Variants in PLEKHA8 observed in about 807,000 individuals in gnomAD.
PLEKHA8 encodes pleckstrin homology domain containing A8, also known as pleckstrin homology domain-containing family A member 8.
PLEKHA8 carries 36 observed loss-of-function variants against 68.2 expected under a neutral mutation model. That is an observed-to-expected ratio of 0.53 (90% CI 0.40 to 0.70). The LOEUF (loss-of-function observed/expected upper bound fraction) is 0.70. Among genes scored for constraint, PLEKHA8 ranks in the 30% least tolerant of loss-of-function variants. The pLI, the probability that PLEKHA8 is intolerant of heterozygous loss-of-function variation, is 0.00. For missense variants in PLEKHA8, 505 were observed against 615.4 expected, an observed-to-expected ratio of 0.82 and a Z score of 1.90; for synonymous variants, 211 against 216.1, an observed-to-expected ratio of 0.98 and a Z score of 0.20.
At chr7:30,055,411 G>C in intron 9 of PLEKHA8, 69 bp downstream of exon 9, 1 of 1,360,668 alleles carries the variant, frequency 7.3e-7, no homozygotes, top group Non-Finnish European at 1.1e-6. Flanking sequence ...TATTTTGCAG[G>C]AGAAATACCC....
At position 30,095,779 on chromosome 7, in the gene PLEKHA8, G is replaced by T. The variant is rs1191992283; in HGVS notation, c.1362+21647G>T. Among the ~76,000 whole-genome samples the T allele has an allele frequency of 4.6e-5, 7 of 152,170 alleles. No homozygotes were observed. In the South Asian group the frequency reaches 8.3e-4, roughly 18 times the overall value. On this transcript the variant is annotated intron_variant, in intron 13 of 13. Transcript: ENST00000396257. ...TTTCCCAGCACCATTTATTAAATAG[G>T]GAATCGTTTCCCCATTTCTTGTTTT...
intron 13 of PLEKHA8, among the ~76,000 whole-genome samples, chr7:30,078,157 A>G (rs1334906444): frequency 6.6e-6 from 1 of 152,182 alleles, no homozygotes; most frequent in African/African-American, 2.4e-5. Flanking sequence ...TACGCAAAGA[A>G]ATATATAGAG....
downstream of PLEKHA8, among the ~76,000 whole-genome samples, chr7:30,085,371 G>A (rs1044041743): frequency 4.6e-5 from 7 of 152,176 alleles, no homozygotes; most frequent in African/African-American, 1.7e-4. Flanking sequence ...TTCAGAGGTA[G>A]CTATGTTCTT....
intron 13 of PLEKHA8, among the ~76,000 whole-genome samples, chr7:30,123,027 C>G (rs1394544080): frequency 6.6e-6 from 1 of 152,098 alleles, no homozygotes; most frequent in Non-Finnish European, 1.5e-5. Context: ...CTGACTTTCC[C>G]CCCCCTAAGC....
chr7:30,057,161 A>G (rs2127984721), intron 9 of PLEKHA8, among the ~76,000 whole-genome samples: 1 of 152,126 alleles, frequency 6.6e-6, no homozygotes, highest in Middle Eastern at 3.4e-3. Flanking sequence ...TTATCAAGAA[A>G]TAGTATGTTT....
intron 12 of PLEKHA8, among the ~76,000 whole-genome samples, chr7:30,066,609 C>T (rs373032217): frequency 9.2e-5 from 14 of 152,290 alleles, no homozygotes; most frequent in African/African-American, 3.4e-4. Context: ...AGAGCTGAGT[C>T]CCCCTCTCCA....
downstream of PLEKHA8, among the ~76,000 whole-genome samples, chr7:30,093,405 CAT>C (rs1344195733): frequency 6.6e-6 from 1 of 152,188 alleles, no homozygotes; most frequent in African/African-American, 2.4e-5. Context: ...TGAGAAAGCA[CAT>C]GAGTGGTAGG....
chr7:30,041,071 TTCTCTACAATTC>T (rs1435296877), intron 1 of PLEKHA8, among the ~76,000 whole-genome samples: 3 of 152,234 alleles, frequency 2.0e-5, no homozygotes, highest in Non-Finnish European at 4.4e-5. Flanking sequence ...CATGCCTCTT[TTCTCTACAATTC>T]ATCATTCCTG....
chr7:30,043,705 G>C (rs576616276), intron 1 of PLEKHA8, among the ~76,000 whole-genome samples: 2 of 152,300 alleles, frequency 1.3e-5, no homozygotes, highest in East Asian at 3.9e-4. Flanking sequence ...GACTATTCAG[G>C]CTTCTGATTA....
At chr7:30,029,234 A>G (rs1322354328) in intron 1 of PLEKHA8, among the ~76,000 whole-genome samples, 1 of 152,212 alleles carries the variant, frequency 6.6e-6, no homozygotes, top group Non-Finnish European at 1.5e-5. Flanking sequence ...TCCACAGCGG[A>G]AAGATCCTTT....
intron 9 of PLEKHA8, among the ~76,000 whole-genome samples, chr7:30,059,661 C>A (rs1443062174): frequency 6.7e-6 from 1 of 149,678 alleles, no homozygotes; most frequent in African/African-American, 2.5e-5. Context: ...TTAGATCAAT[C>A]AAGTATTTTT....
At chr7:30,058,600 G>T (rs529232119) in intron 9 of PLEKHA8, among the ~76,000 whole-genome samples, 2 of 151,762 alleles carry the variant, frequency 1.3e-5, no homozygotes, top group African/African-American at 4.8e-5. Flanking sequence ...TTATAATATG[G>T]GACTGTTTCT....
chr7:30,038,550 GAATTTTGGGGAC>G (rs1416051293), intron 1 of PLEKHA8, among the ~76,000 whole-genome samples: 5 of 152,158 alleles, frequency 3.3e-5, no homozygotes, highest in Non-Finnish European at 1.5e-5. Flanking sequence ...TAATACAAGG[GAATTTTGGGGAC>G]AATTTTGGTA....
intron 12 of PLEKHA8, among the ~76,000 whole-genome samples, chr7:30,072,595 C>G (rs1293888447): frequency 6.6e-6 from 1 of 152,218 alleles, no homozygotes; most frequent in South Asian, 2.1e-4. Flanking sequence ...CTGTGAACCA[C>G]GTTGCTTTTC....
rs527367075 is a variant in PLEKHA8 at position 30,071,358 on chromosome 7, C to T, written c.1301-2713C>T. Among the ~76,000 whole-genome samples, 20 of 152,254 alleles carry T rather than the reference C, an allele frequency of 1.3e-4. No individual in the cohort carries two copies. In the South Asian group the frequency reaches 3.5e-3, roughly 27 times the overall value. ...CCCAGCATGCCATGAGCTCTCACAA[C>T]GCTGTGATGCTCGCTCTGTCTGCCG... On this transcript the variant is annotated intron_variant, in intron 12 of 13. Transcript: ENST00000449726.
intron 1 of PLEKHA8, among the ~76,000 whole-genome samples, chr7:30,041,752 C>T (rs544666955): frequency 6.6e-6 from 1 of 152,196 alleles, no homozygotes; most frequent in East Asian, 1.9e-4. Context: ...GAGAGCTGCT[C>T]TTCAACATTT....
chr7:30,108,067 CAAAAAA>C (rs796801365), intron 13 of PLEKHA8, among the ~76,000 whole-genome samples: 174 of 52,822 alleles, frequency 3.3e-3, no homozygotes, highest in African/African-American at 0.012. Context: ...AACTCCATCT[CAAAAAA>C]AAAAAAAAAA....
intron 9 of PLEKHA8, among the ~76,000 whole-genome samples, chr7:30,059,193 C>G (rs958621769): frequency 6.6e-6 from 1 of 152,208 alleles, no homozygotes; most frequent in Non-Finnish European, 1.5e-5. Context: ...TTAATTTTCT[C>G]TGAAGAATGT....
At chr7:30,056,143 C>T (rs564683369) in intron 9 of PLEKHA8, among the ~76,000 whole-genome samples, 4 of 150,708 alleles carry the variant, frequency 2.7e-5, no homozygotes, top group Admixed American at 2.6e-4. Context: ...CAGGGTTTCA[C>T]TGTGTTTGCC....
Sources: gnomAD v4.1 joint callset for allele counts (sites outside exome capture counted in the v4.1 genomes callset) on GRCh38, gnomAD v4.1.1 for gene constraint, MANE v1.5 for transcripts, NCBI Gene and HGNC (gene_info 2026-07-23, HGNC 2026-07-21) for gene names.